Variants in PREX1 observed in about 807,000 individuals in gnomAD.
PREX1 encodes phosphatidylinositol-3,4,5-trisphosphate dependent Rac exchange factor 1.
Under a neutral mutation model 198.3 loss-of-function variants are expected in PREX1, and 41 were observed. The observed-to-expected ratio is 0.21, with a 90% CI of 0.16 to 0.27. The LOEUF (loss-of-function observed/expected upper bound fraction) is 0.27, where lower values mean the gene tolerates loss of function less well. Ranked by LOEUF, PREX1 falls within the 10% of genes least tolerant of loss-of-function variation. The pLI, the probability that PREX1 is intolerant of heterozygous loss-of-function variation, is 1.00. For missense variants in PREX1, 1,620 were observed against 2,200.7 expected, an observed-to-expected ratio of 0.74 and a Z score of 5.28; for synonymous variants, 843 against 887.2, an observed-to-expected ratio of 0.95 and a Z score of 0.89.
At chr20:48,804,323 A>G (rs1335093528) in intron 1 of PREX1, among the ~76,000 whole-genome samples, 3 of 152,188 alleles carry the variant, frequency 2.0e-5, no homozygotes, top group Admixed American at 2.0e-4. Context: ...TCAATCAAAT[A>G]CAAGTGCCAC....
chr20:48,650,858 C>T, intron 23 of PREX1, 36 bp downstream of exon 23: 2 of 1,609,446 alleles, frequency 1.2e-6, no homozygotes, highest in Non-Finnish European at 1.7e-6. Context: ...ATGTCTGGGA[C>T]CTGTGGCAGA....
chr20:48,661,079 GC>G (rs2089587041), intron 15 of PREX1, among the ~76,000 whole-genome samples: 1 of 152,218 alleles, frequency 6.6e-6, no homozygotes, highest in Admixed American at 6.5e-5. Flanking sequence ...AAGCTGTACG[GC>G]CCACAAAGCC....
At chr20:48,751,517 G>A (rs987643488) in intron 1 of PREX1, among the ~76,000 whole-genome samples, 1 of 152,180 alleles carries the variant, frequency 6.6e-6, no homozygotes, top group Non-Finnish European at 1.5e-5. Context: ...GGAAAGAATG[G>A]GCAGCAGAGG....
At position 48,649,256 on chromosome 20, in the gene PREX1, A is replaced by T. The variant is rs2089473480; in HGVS notation, c.3305+44T>A. The T allele has an allele frequency of 1.9e-6, 3 of 1,586,954 alleles. No homozygotes were observed. In the African/African-American group the frequency reaches 4.0e-5, roughly 21 times the overall value. ...AATGTCAGTAAGGCCAGGATTGAGAACACCTGCCCCTGCTCACGCCGGACA... is the reference window on the plus strand; with the variant it reads ...AATGTCAGTAAGGCCAGGATTGAGATCACCTGCCCCTGCTCACGCCGGACA... On this transcript the variant is annotated intron_variant, in intron 25 of 39. Transcript: ENST00000371941.
chr20:48,788,533 G>A (rs900663441), intron 1 of PREX1, among the ~76,000 whole-genome samples: 35 of 152,154 alleles, frequency 2.3e-4, no homozygotes, highest in Admixed American at 2.0e-3. Context: ...CAGAGCACAG[G>A]ATGAAGCCAA....
Position 48,700,753 on chromosome 20 carries a change from C to G in PREX1, c.917G>C (p.Arg306Thr), listed in dbSNP as rs1187470826. The G allele has an allele frequency of 1.2e-6, 2 of 1,612,832 alleles. No individual in the cohort carries two copies. Among genetic ancestry groups the G allele is most frequent in the African/African-American group, 1.3e-5 (1 of 74,896 alleles). ...NLLVYCKRKSRVTGSKKSTKR... is the reference protein window; with the variant it reads ...NLLVYCKRKSTVTGSKKSTKR... ...CCATCCCAGCCTCCTGGCCACTCAC[C>G]TGGATTTCCGCTTGCAGTAGACGAG... Residue 306 changes from arginine (R) to threonine (T), a missense_variant and splice_region_variant, in exon 7 of 40, where the codon AGG becomes ACG. This residue lies in a region of PREX1 where 488 missense variants were observed against 802.5 expected (regional missense o/e 0.61). Transcript: ENST00000371941.
At chr20:48,715,399 C>T (rs2089957462) in intron 5 of PREX1, among the ~76,000 whole-genome samples, 1 of 152,202 alleles carries the variant, frequency 6.6e-6, no homozygotes, top group South Asian at 2.1e-4. Context: ...TAGATTCAGG[C>T]CCACTAATGC....
intron 5 of PREX1, 93 bp downstream of exon 5, chr20:48,726,197 G>T: frequency 9.5e-7 from 1 of 1,057,616 alleles, no homozygotes; most frequent in Non-Finnish European, 1.4e-6. Flanking sequence ...AGCTGACACT[G>T]CTGCTAGACT....
the PREX1 span, among the ~76,000 whole-genome samples, chr20:48,853,129 T>C: frequency 6.6e-6 from 1 of 152,178 alleles, no homozygotes; most frequent in Non-Finnish European, 1.5e-5. Context: ...GTGAATATGA[T>C]ACCTGTTTAA....
chr20:48,719,358 G>C (rs940711691), intron 5 of PREX1, among the ~76,000 whole-genome samples: 5 of 152,188 alleles, frequency 3.3e-5, no homozygotes, highest in African/African-American at 7.2e-5. Context: ...TCACCACACA[G>C]GAAAGAGCCT....
intron 1 of PREX1, among the ~76,000 whole-genome samples, chr20:48,783,383 G>C (rs562079199): frequency 2.6e-4 from 40 of 152,092 alleles, no homozygotes; most frequent in African/African-American, 7.7e-4. Flanking sequence ...ATGAGAGAGA[G>C]AGGGAGGAAC....
At chr20:48,843,139 T>A in the PREX1 span, among the ~76,000 whole-genome samples, 2 of 152,174 alleles carry the variant, frequency 1.3e-5, no homozygotes, top group African/African-American at 4.8e-5. Context: ...TCAAATTGCT[T>A]AGTTTCCGTA....
At chr20:48,668,316 G>A (rs1230152721) in intron 14 of PREX1, among the ~76,000 whole-genome samples, 1 of 152,220 alleles carries the variant, frequency 6.6e-6, no homozygotes, top group Non-Finnish European at 1.5e-5. Flanking sequence ...GTGGGGGCCA[G>A]GAGCCGGCAC....
chr20:48,744,169 C>G (rs1207050539), intron 3 of PREX1, among the ~76,000 whole-genome samples: 1 of 152,130 alleles, frequency 6.6e-6, no homozygotes, highest in Non-Finnish European at 1.5e-5. Flanking sequence ...CTGGCCTCTA[C>G]TTACTAGAAA....
At chr20:48,729,751 G>A (rs533014842) in intron 4 of PREX1, among the ~76,000 whole-genome samples, 18 of 152,272 alleles carry the variant, frequency 1.2e-4, no homozygotes, top group South Asian at 2.1e-4. Context: ...AGACACCATC[G>A]CTTCCTGCCC....
intron 10 of PREX1, among the ~76,000 whole-genome samples, chr20:48,686,187 C>A: frequency 6.6e-6 from 1 of 152,024 alleles, no homozygotes; most frequent in South Asian, 2.1e-4. Context: ...CCAGCACATG[C>A]AGCAAAGGGC....
At chr20:48,808,490 C>T (rs901900045) in intron 1 of PREX1, among the ~76,000 whole-genome samples, 8 of 152,202 alleles carry the variant, frequency 5.3e-5, no homozygotes, top group African/African-American at 1.7e-4. Context: ...GCAGAACAGG[C>T]TCTCCTGCCC....
intron 37 of PREX1, among the ~76,000 whole-genome samples, chr20:48,628,608 C>T (rs565934037): frequency 1.3e-5 from 2 of 152,316 alleles, no homozygotes; most frequent in East Asian, 3.9e-4. Flanking sequence ...CTCCTCCCTC[C>T]CCTAAGTTGT....
rs1022348974 is a variant in PREX1 at position 48,664,100 on chromosome 20, C to T, written c.1738+2183G>A. On this transcript the variant is annotated intron_variant, in intron 15 of 39. Transcript: ENST00000371941. ...TTAAAAAAAAGAGAATCTGGTCGGG[C>T]GCGGTGGCTCACGCCTGTAATCCCA... Among the ~76,000 whole-genome samples the T allele has an allele frequency of 2.6e-5, 4 of 152,154 alleles. No individual in the cohort carries two copies. The South Asian group carries it at 6.2e-4, about 24-fold the overall frequency.
Sources: gnomAD v4.1 joint callset for allele counts (sites outside exome capture counted in the v4.1 genomes callset) on GRCh38, gnomAD v4.1.1 for gene constraint, gnomAD v4.1.1 regional missense constraint, MANE v1.5 for transcripts, NCBI Gene and HGNC (gene_info 2026-07-23, HGNC 2026-07-21) for gene names.